APH1B: variants seen among roughly 807,000 people sequenced by gnomAD.
APH1B encodes the protein gamma-secretase subunit APH-1B.
Under a neutral mutation model 28.2 loss-of-function variants are expected in APH1B, and 27 were observed. The observed-to-expected ratio is 0.96, with a 90% confidence interval of 0.70 to 1.32. APH1B has a LOEUF of 1.32. APH1B is among the 40% of genes most tolerant of loss of function. The pLI is 0.00. For missense variants in APH1B, 305 were observed against 313.6 expected (o/e 0.97, Z 0.21); for synonymous variants, 141 against 124.6 (o/e 1.13, Z -0.88).
intron 4 of APH1B, among the ~76,000 whole-genome samples, chr15:63,292,903 T>C (rs2038520490): frequency 1.3e-5 from 2 of 152,222 alleles, no homozygotes; most frequent in Admixed American, 1.3e-4. Context: ...CTTCACAGTC[T>C]CTAGCTGAAA....
intron 1 of APH1B, chr15:63,277,972 T>G: frequency 1.8e-6 from 1 of 561,406 alleles, no homozygotes. Flanking sequence ...GGTTTAGTGA[T>G]CCGTGAAGCT....
In APH1B at chr15:63,287,522, TCTC is replaced by T. The variant is rs773253308; in HGVS notation, c.458_460del (p.Pro153del). On this transcript the variant is annotated inframe_deletion, in exon 4 of 6. Transcript: ENST00000261879. Reference sequence around the variant, plus strand: ...AGGCACAGTGGGCATTCATGGAGATTCTCCTCAATTCTTCCTTTATTCAGGTAT... The same window carrying T: ...AGGCACAGTGGGCATTCATGGAGATTCTCAATTCTTCCTTTATTCAGGTAT... 1 of 1,613,964 alleles carries T rather than the reference TCTC, an allele frequency of 6.2e-7. No individual in the cohort carries two copies. The highest frequency in any genetic ancestry group is 8.5e-7 in the Non-Finnish European group (1 of 1,179,850).
chr15:63,298,583 C>T (rs1450609302), intron 4 of APH1B, among the ~76,000 whole-genome samples: 3 of 152,182 alleles, frequency 2.0e-5, no homozygotes, highest in African/African-American at 7.2e-5. Context: ...GCTGCTGTCT[C>T]ACTTTCTCAC....
intron 4 of APH1B, among the ~76,000 whole-genome samples, chr15:63,294,280 A>C (rs1380170751): frequency 1.3e-5 from 2 of 152,140 alleles, no homozygotes; most frequent in Non-Finnish European, 2.9e-5. Context: ...AATATTTATC[A>C]TTTGAAAGGG....
At chr15:63,279,873 C>T (rs969139958) in intron 2 of APH1B, among the ~76,000 whole-genome samples, 4 of 151,284 alleles carry the variant, frequency 2.6e-5, no homozygotes, top group Admixed American at 6.6e-5. Context: ...TCTCAGCTCA[C>T]GGCAACCTCT....
At chr15:63,287,393 A>G in intron 3 of APH1B, 31 bp from the exon 4 acceptor site, 1 of 1,608,806 alleles carries the variant, frequency 6.2e-7, no homozygotes, top group Non-Finnish European at 8.5e-7. Flanking sequence ...TTGGCAGGAA[A>G]AGAGTTAACA....
At chr15:63,278,667 A>G (rs974338695) in intron 1 of APH1B, among the ~76,000 whole-genome samples, 2 of 152,242 alleles carry the variant, frequency 1.3e-5, no homozygotes, top group Non-Finnish European at 2.9e-5. Flanking sequence ...ATTTTATACC[A>G]GTCACTTTAT....
intron 4 of APH1B, among the ~76,000 whole-genome samples, chr15:63,294,780 T>G (rs2038546578): frequency 6.6e-6 from 1 of 152,242 alleles, no homozygotes; most frequent in Admixed American, 6.5e-5. Flanking sequence ...TACTTGAATA[T>G]TTTTCGTGAG....
chr15:63,299,639 C>G (rs2038603487), intron 4 of APH1B, among the ~76,000 whole-genome samples: 1 of 151,970 alleles, frequency 6.6e-6, no homozygotes, highest in African/African-American at 2.4e-5. Flanking sequence ...CTCCTGACCT[C>G]GTGATACTCC....
At chr15:63,281,796 T>C (rs1201556420) in intron 2 of APH1B, among the ~76,000 whole-genome samples, 1 of 151,946 alleles carries the variant, frequency 6.6e-6, no homozygotes, top group Non-Finnish European at 1.5e-5. Flanking sequence ...TAAAATTTTC[T>C]TTTTACACTG....
At chr15:63,287,095 A>G (rs1386062514) in intron 3 of APH1B, 7 of 259,394 alleles carry the variant, frequency 2.7e-5, no homozygotes, top group Non-Finnish European at 7.3e-6. Context: ...ATCAAACTTA[A>G]CTCTGTAGAC....
At chr15:63,290,309 T>G (rs1595761399) in intron 4 of APH1B, among the ~76,000 whole-genome samples, 1 of 152,186 alleles carries the variant, frequency 6.6e-6, no homozygotes, top group South Asian at 2.1e-4. Flanking sequence ...TAGCATTAAA[T>G]TTTACTAGAA....
intron 4 of APH1B, among the ~76,000 whole-genome samples, chr15:63,297,028 A>T (rs1286588143): frequency 6.6e-6 from 1 of 152,206 alleles, no homozygotes; most frequent in Non-Finnish European, 1.5e-5. Context: ...TTTGACTTAG[A>T]AGTTTATTAG....
chr15:63,281,787 A>T (rs1224078734), intron 2 of APH1B, among the ~76,000 whole-genome samples: 3 of 151,072 alleles, frequency 2.0e-5, no homozygotes, highest in East Asian at 1.9e-4. Context: ...TTTAATTTTT[A>T]AAATTTTCTT....
In APH1B at chr15:63,305,764, A is replaced by C. The variant is rs1333816424; in HGVS notation, c.757A>C (p.Asn253His). ...LCQDKNFLLY[N>H]QRSR is the part of the protein sequence containing the mutation. ...CCAAGACAAGAACTTTCTTCTTTAC[A>C]ACCAGCGCTCCAGATAACCTCAGGG... The change falls in exon 6 of 6, where the codon AAC becomes CAC. Residue 253 changes from asparagine to histidine, a missense_variant. Physicochemically the swap from Asn to His is moderately conservative, Grantham distance 68 (BLOSUM62 1). Transcript: ENST00000261879. 6.2e-7 allele frequency: 1 copy of C among 1,613,962 alleles called. No individual in the cohort carries two copies. The highest frequency in any genetic ancestry group is 2.2e-5 in the East Asian group (1 of 44,900).
intron 2 of APH1B, among the ~76,000 whole-genome samples, chr15:63,281,055 G>T (rs551704903): frequency 1.3e-5 from 2 of 152,130 alleles, no homozygotes; most frequent in East Asian, 3.9e-4. Context: ...AGGATCACTT[G>T]AATCTAGGAG....
At chr15:63,283,494 T>C (rs2152593357) in intron 2 of APH1B, among the ~76,000 whole-genome samples, 1 of 152,340 alleles carries the variant, frequency 6.6e-6, no homozygotes, top group South Asian at 2.1e-4. Flanking sequence ...CCACCCAAAA[T>C]GCTGGTATTA....
chr15:63,298,395 G>C (rs1219679327), intron 4 of APH1B, among the ~76,000 whole-genome samples: 2 of 152,090 alleles, frequency 1.3e-5, no homozygotes, highest in Non-Finnish European at 2.9e-5. Context: ...ATTTGTTGTA[G>C]AGACAGGGTT....
At chr15:63,293,271 T>A (rs1433992802) in intron 4 of APH1B, among the ~76,000 whole-genome samples, 1 of 150,886 alleles carries the variant, frequency 6.6e-6, no homozygotes, top group African/African-American at 2.4e-5. Context: ...TTCATGCCAT[T>A]CTCCTGCCTC....
Sources: allele counts gnomAD v4.1 joint callset (sites outside exome capture counted in the v4.1 genomes callset), GRCh38; gene constraint gnomAD v4.1.1; transcripts MANE v1.5; gene names NCBI Gene and HGNC (gene_info 2026-07-23, HGNC 2026-07-21).